The following GPAT3 variants were observed in gnomAD, a reference collection of about 807,000 sequenced individuals.
GPAT3 encodes 1-AGP acyltransferase 9.
GPAT3 carries 53 observed loss-of-function variants against 58.8 expected under a neutral mutation model. That is an observed-to-expected ratio of 0.90 (90% CI 0.72 to 1.13). The LOEUF (loss-of-function observed/expected upper bound fraction) is 1.13. Ranked by LOEUF, GPAT3 falls within the 50% of genes most tolerant of loss-of-function variation. The pLI is 0.00. For synonymous variants in GPAT3, 197 were observed against 187.4 expected (o/e 1.05, Z -0.42); for missense variants, 511 against 527.6 (o/e 0.97, Z 0.31).
intron 2 of GPAT3, among the ~76,000 whole-genome samples, chr4:83,553,490 AG>A (rs1724829336): frequency 1.3e-5 from 2 of 152,320 alleles, no homozygotes; most frequent in South Asian, 4.1e-4. Context: ...TGACTGCTGA[AG>A]GTCTGGTTGG....
chr4:83,565,842 G>C (rs1256956735), intron 2 of GPAT3, among the ~76,000 whole-genome samples: 1 of 152,198 alleles, frequency 6.6e-6, no homozygotes, highest in Non-Finnish European at 1.5e-5. Context: ...GTTTACAAGC[G>C]CTTTGTTCTT....
rs568570818 is a variant in GPAT3, at chr4:83,587,439, A to ATTTT, written c.554+112_554+115dup. The ATTTT allele has an allele frequency of 3.3e-5, 33 of 1,014,516 alleles. No individual in the cohort carries two copies. The African/African-American group carries it at 5.4e-4, about 17-fold the overall frequency. 62.8% of individuals were successfully genotyped at this position (1,014,516 alleles called of 1,614,324 possible). A position where few individuals can be genotyped will look rare whatever the true frequency, so the allele number is the denominator to read the frequency against. On this transcript the variant is annotated intron_variant, in intron 4 of 11. Transcript: ENST00000264409. ...TATGTATTGCATTATTATTATTATT[A>ATTTT]TTTTTGAGACGGAGTCTCGTACTGT...
intron 7 of GPAT3, 149 bp downstream of exon 7, chr4:83,595,109 CT>C: frequency 1.6e-6 from 1 of 610,272 alleles, no homozygotes; most frequent in Non-Finnish European, 2.8e-6. Flanking sequence ...AATCACCTGT[CT>C]TAGCCAGATT....
chr4:83,549,227 C>T (rs1353330967), intron 2 of GPAT3, among the ~76,000 whole-genome samples: 1 of 150,820 alleles, frequency 6.6e-6, no homozygotes, highest in African/African-American at 2.4e-5. Context: ...TTGGACAGGC[C>T]ATTTTTGATA....
chr4:83,536,355 G>A lies in GPAT3; in HGVS notation c.-268G>A. ...TCCGACCACTGGCTCGCGCTACCCAGGTCTCCGCACGCCGCGGTGGCTTCA... is the reference window on the plus strand; with the variant it reads ...TCCGACCACTGGCTCGCGCTACCCAAGTCTCCGCACGCCGCGGTGGCTTCA... On this transcript the variant is annotated 5_prime_UTR_variant, in exon 1 of 12. Transcript: ENST00000264409. 8.2e-7 allele frequency: 1 copy of A among 1,213,830 alleles called. No individual in the cohort carries two copies. The highest frequency in any genetic ancestry group is 1.0e-6 in the Non-Finnish European group (1 of 972,266). The allele number at this position is 1,213,830 out of a possible 1,614,324, so 75.2% of individuals were successfully genotyped here.
intron 3 of GPAT3, among the ~76,000 whole-genome samples, chr4:83,582,946 T>G (rs1726210193): frequency 6.6e-6 from 1 of 152,018 alleles, no homozygotes. Flanking sequence ...ACTCTGGGAG[T>G]GTACAAGACT....
intron 11 of GPAT3, among the ~76,000 whole-genome samples, chr4:83,603,790 CA>C (rs58399873): frequency 0.018 from 2,138 of 120,148 alleles, 15 homozygotes; most frequent in African/African-American, 0.065. Flanking sequence ...AACTCTGTCT[CA>C]AAAAAAAAAA....
upstream of GPAT3, chr4:83,536,050 G>C (rs2110065111): frequency 1.0e-6 from 1 of 985,496 alleles, no homozygotes; most frequent in East Asian, 1.1e-4. Context: ...TTGGGTGACG[G>C]AGGAGGTGGG....
At chr4:83,571,778 G>A (rs961635784) in intron 2 of GPAT3, among the ~76,000 whole-genome samples, 2 of 149,884 alleles carry the variant, frequency 1.3e-5, no homozygotes, top group African/African-American at 4.9e-5. Flanking sequence ...ATATAGTTTT[G>A]TTGTTGTTGT....
intron 1 of GPAT3, among the ~76,000 whole-genome samples, chr4:83,543,695 G>A (rs562656666): frequency 1.3e-5 from 2 of 152,046 alleles, no homozygotes; most frequent in Admixed American, 6.5e-5. Flanking sequence ...CTAGACTGGA[G>A]TGCAGGTGCC....
intron 1 of GPAT3, among the ~76,000 whole-genome samples, chr4:83,541,572 G>A (rs1342335485): frequency 6.6e-6 from 1 of 151,892 alleles, no homozygotes; most frequent in African/African-American, 2.4e-5. Context: ...TGTTATGCAG[G>A]GTAGACCTTT....
chr4:83,582,129 A>G (rs1377776066), intron 3 of GPAT3, among the ~76,000 whole-genome samples: 1 of 151,366 alleles, frequency 6.6e-6, no homozygotes, highest in Non-Finnish European at 1.5e-5. Context: ...AAGAAGAAGA[A>G]GAGGAAGAGG....
intron 7 of GPAT3, chr4:83,595,388 A>G (rs1325953482): frequency 6.5e-6 from 1 of 152,712 alleles, no homozygotes; most frequent in Non-Finnish European, 1.5e-5. Flanking sequence ...TGCTAAATAT[A>G]TGATTGATTA....
intron 2 of GPAT3, among the ~76,000 whole-genome samples, chr4:83,567,788 A>C (rs572016110): frequency 4.8e-4 from 73 of 152,200 alleles, no homozygotes; most frequent in African/African-American, 1.5e-3. Flanking sequence ...ACAACAACAA[A>C]AAAAGCCTGG....
intron 2 of GPAT3, among the ~76,000 whole-genome samples, chr4:83,546,875 C>T (rs1244148776): frequency 6.6e-6 from 1 of 152,116 alleles, no homozygotes; most frequent in Non-Finnish European, 1.5e-5. Context: ...CTTTGCTCCC[C>T]TCCTGATTTC....
chr4:83,579,951 G>A (rs1726045311), intron 2 of GPAT3, among the ~76,000 whole-genome samples: 1 of 152,066 alleles, frequency 6.6e-6, no homozygotes, highest in African/African-American at 2.4e-5. Flanking sequence ...AAAATGAGGT[G>A]ATCAAAAAAG....
chr4:83,582,580 TC>T (rs1413752144), intron 3 of GPAT3, among the ~76,000 whole-genome samples: 2 of 152,206 alleles, frequency 1.3e-5, no homozygotes, highest in Non-Finnish European at 1.5e-5. Flanking sequence ...TTGCTTCATT[TC>T]CCTGGACATG....
intron 2 of GPAT3, 125 bp from the exon 3 acceptor site, chr4:83,581,437 C>A (rs1726120647): frequency 4.0e-6 from 4 of 1,002,670 alleles, no homozygotes. Flanking sequence ...CTGAAGATGG[C>A]TGATGTCACC....
intron 2 of GPAT3, among the ~76,000 whole-genome samples, chr4:83,554,334 A>G (rs1039203155): frequency 2.0e-5 from 3 of 152,164 alleles, no homozygotes; most frequent in African/African-American, 7.2e-5. Context: ...CCTCTTAGCC[A>G]GTATCTACCA....
Sources: allele counts gnomAD v4.1 joint callset (sites outside exome capture counted in the v4.1 genomes callset), GRCh38; gene constraint gnomAD v4.1.1; transcripts MANE v1.5; gene names NCBI Gene and HGNC (gene_info 2026-07-23, HGNC 2026-07-21).